Variants in TBCE observed in about 807,000 individuals in gnomAD.
The protein encoded by TBCE is tubulin folding cofactor E.
TBCE carries 53 observed loss-of-function variants against 77.0 expected under a neutral mutation model. That is an observed-to-expected ratio of 0.69 (90% CI 0.55 to 0.87). The LOEUF is 0.87. Among genes scored for constraint, TBCE ranks in the 40% least tolerant of loss-of-function variants. The pLI is 0.00. For synonymous variants in TBCE, 235 were observed against 241.3 expected (o/e 0.97, Z 0.24); for missense variants, 624 against 622.4 (o/e 1.00, Z -0.03).
At chr1:235,439,258 G>A (rs540465179) in intron 13 of TBCE, among the ~76,000 whole-genome samples, 7,497 of 150,432 alleles carry the variant, frequency 0.05, 358 homozygotes, top group African/African-American at 0.12. Context: ...TTGGGAGGCT[G>A]AGGCGGGTGG....
At chr1:235,426,588 C>A (rs148099547) in intron 5 of TBCE, among the ~76,000 whole-genome samples, 6 of 152,232 alleles carry the variant, frequency 3.9e-5, no homozygotes, top group African/African-American at 1.4e-4. Flanking sequence ...ACATTTGGTT[C>A]TTTGTCATTT....
At chr1:235,403,781 T>A (rs909116450) in intron 3 of TBCE, among the ~76,000 whole-genome samples, 1 of 152,192 alleles carries the variant, frequency 6.6e-6, no homozygotes, top group African/African-American at 2.4e-5. Context: ...GAGAAATGCC[T>A]GTTAGGTGGT....
intron 3 of TBCE, among the ~76,000 whole-genome samples, chr1:235,408,510 C>T (rs1679594705): frequency 6.6e-6 from 1 of 151,398 alleles, no homozygotes; most frequent in Non-Finnish European, 1.5e-5. Context: ...GGTGGTAGCT[C>T]TGCTTCATTT....
chr1:235,419,454 A>G lies in TBCE; in HGVS notation c.372-19A>G. ...GCATACGTGCTTATGTATCCATGTGAACTCTGTTTTTCATGCAGTCAGCTG... is the reference window on the plus strand; with the variant it reads ...GCATACGTGCTTATGTATCCATGTGGACTCTGTTTTTCATGCAGTCAGCTG... On this transcript the variant is annotated intron_variant, in intron 4 of 16. Transcript: ENST00000642610. The G allele has an allele frequency of 6.2e-7, 1 of 1,613,720 alleles. No individual in the cohort carries two copies. The highest frequency in any genetic ancestry group is 2.2e-5 in the East Asian group (1 of 44,846).
intron 15 of TBCE, 69 bp from the exon 16 acceptor site, chr1:235,448,280 T>A: frequency 2.9e-6 from 3 of 1,023,268 alleles, no homozygotes; most frequent in Non-Finnish European, 4.6e-6. Context: ...TGTGGTCTCA[T>A]CACATGAGCT....
At chr1:235,448,215 A>T (rs964066604) in intron 15 of TBCE, 134 bp from the exon 16 acceptor site, 4 of 714,674 alleles carry the variant, frequency 5.6e-6, no homozygotes, top group East Asian at 5.3e-5. Flanking sequence ...TAAGTAAGTC[A>T]GTCTCAAAAA....
intron 12 of TBCE, among the ~76,000 whole-genome samples, chr1:235,437,785 A>G (rs566959557): frequency 6.6e-6 from 1 of 151,476 alleles, no homozygotes; most frequent in Non-Finnish European, 1.5e-5. Flanking sequence ...ATGCCACTGC[A>G]CTCCAGCCTG....
intron 1 of TBCE, among the ~76,000 whole-genome samples, chr1:235,368,038 T>C (rs1186259695): frequency 6.6e-6 from 1 of 152,170 alleles, no homozygotes; most frequent in African/African-American, 2.4e-5. Flanking sequence ...CCCGAGTAGC[T>C]GGGATTACAG....
At chr1:235,370,108 T>C (rs1572295358) in intron 1 of TBCE, among the ~76,000 whole-genome samples, 1 of 152,144 alleles carries the variant, frequency 6.6e-6, no homozygotes, top group South Asian at 2.1e-4. Flanking sequence ...TCTTTAACAT[T>C]TCCATTGCAC....
At chr1:235,418,137 T>A (rs921309703) in intron 4 of TBCE, among the ~76,000 whole-genome samples, 7 of 152,230 alleles carry the variant, frequency 4.6e-5, no homozygotes, top group Non-Finnish European at 1.5e-5. Flanking sequence ...CACTCAAGGT[T>A]CATCCACATT....
intron 5 of TBCE, among the ~76,000 whole-genome samples, chr1:235,421,780 C>T (rs1680412794): frequency 6.6e-6 from 1 of 152,162 alleles, no homozygotes; most frequent in Non-Finnish European, 1.5e-5. Flanking sequence ...TTCCCCAATT[C>T]ATTAAGTCTG....
At chr1:235,422,465 G>C (rs1436297603) in intron 5 of TBCE, among the ~76,000 whole-genome samples, 1 of 150,758 alleles carries the variant, frequency 6.6e-6, no homozygotes, top group Non-Finnish European at 1.5e-5. Flanking sequence ...GCAGTGAGCC[G>C]AGATCACACC....
chr1:235,444,535 C>G (rs1682115283), intron 15 of TBCE, among the ~76,000 whole-genome samples: 1 of 152,180 alleles, frequency 6.6e-6, no homozygotes, highest in Non-Finnish European at 1.5e-5. Context: ...TCCTGAGTAG[C>G]TGGGACTATA....
rs904334327 is a variant in TBCE at position 235,434,371 on chromosome 1, A to G, written c.737+91A>G. ...TCAATTATATCTAACCTTAATTTTT[A>G]GAAGGATTTGCAAACAAGAATTAGG... is the stretch of plus-strand genomic sequence containing the variant. On this transcript the variant is annotated intron_variant, in intron 8 of 16. Transcript: ENST00000642610. The G allele has an allele frequency of 1.3e-5, 16 of 1,191,482 alleles. No homozygotes were observed. In the African/African-American group the frequency reaches 2.1e-4, roughly 16 times the overall value. 73.8% of individuals were successfully genotyped at this position (1,191,482 alleles called of 1,614,324 possible). A position where few individuals can be genotyped will look rare whatever the true frequency, so the allele number is the denominator to read the frequency against.
intron 5 of TBCE, among the ~76,000 whole-genome samples, chr1:235,426,103 T>C (rs1680698335): frequency 1.3e-5 from 2 of 152,206 alleles, no homozygotes; most frequent in African/African-American, 4.8e-5. Context: ...ACATATTAGA[T>C]GAGAGTGTAG....
intron 7 of TBCE, chr1:235,433,084 A>G: frequency 6.4e-7 from 1 of 1,550,550 alleles, no homozygotes; most frequent in Non-Finnish European, 8.6e-7. Flanking sequence ...ATCCATGCGG[A>G]TGAACGTGGC....
chr1:235,438,313 C>G (rs146933057), intron 12 of TBCE, among the ~76,000 whole-genome samples: 1 of 152,046 alleles, frequency 6.6e-6, no homozygotes, highest in Non-Finnish European at 1.5e-5. Flanking sequence ...TTTGGGAGGC[C>G]GAGGTTGGCA....
chr1:235,443,183 CACAT>C (rs1553340609), intron 15 of TBCE, among the ~76,000 whole-genome samples: 34 of 145,156 alleles, frequency 2.3e-4, no homozygotes, highest in African/African-American at 8.4e-4. Flanking sequence ...CACACACACA[CACAT>C]ATATATATAC....
At chr1:235,375,982 A>G (rs890974036) in intron 1 of TBCE, among the ~76,000 whole-genome samples, 23 of 152,226 alleles carry the variant, frequency 1.5e-4, no homozygotes, top group Admixed American at 1.3e-3. Flanking sequence ...CGGGCGGTGG[A>G]GGTTGCAGAG....
Sources: gnomAD v4.1 joint callset for allele counts (sites outside exome capture counted in the v4.1 genomes callset) on GRCh38, gnomAD v4.1.1 for gene constraint, MANE v1.5 for transcripts, NCBI Gene and HGNC (gene_info 2026-07-23, HGNC 2026-07-21) for gene names.